PDS5A: variants seen among roughly 807,000 people sequenced by gnomAD.
PDS5A encodes sister chromatid cohesion protein PDS5 homolog A.
A neutral mutation model predicts 167.1 loss-of-function variants in PDS5A; 42 were observed. The observed-to-expected ratio is 0.25, with a 90% CI of 0.20 to 0.33. The LOEUF (loss-of-function observed/expected upper bound fraction) is 0.33. PDS5A is among the 10% of genes least tolerant of loss of function. The probability of loss-of-function intolerance (pLI) is 1.00; values close to 1 mark genes in which losing one functional copy is unlikely to be tolerated. For missense variants in PDS5A, 1,033 were observed against 1,605.9 expected (o/e 0.64, Z 6.10); for synonymous variants, 553 against 554.6 (o/e 1.00, Z 0.04).
chr4:39,842,903 CTATTTTTATATATATA>C (rs752815589), intron 30 of PDS5A, among the ~76,000 whole-genome samples: 536 of 23,994 alleles, frequency 0.022, 17 homozygotes, highest in Admixed American at 0.041. Flanking sequence ...TAAACTTATC[CTATTTTTATATATATA>C]TATATATATA....
intron 2 of PDS5A, among the ~76,000 whole-genome samples, chr4:39,938,295 C>T (rs1351520428): frequency 6.6e-6 from 1 of 152,196 alleles, no homozygotes; most frequent in Non-Finnish European, 1.5e-5. Flanking sequence ...TGGCTCACAC[C>T]TGTAATCCTA....
intron 12 of PDS5A, among the ~76,000 whole-genome samples, chr4:39,903,276 C>A (rs1453107019): frequency 6.6e-6 from 1 of 152,224 alleles, no homozygotes; most frequent in Non-Finnish European, 1.5e-5. Flanking sequence ...GATTATTGTT[C>A]TCTCCATGAT....
intron 5 of PDS5A, among the ~76,000 whole-genome samples, chr4:39,923,636 A>AAAACACACACAC (rs527616580): frequency 1.1e-5 from 1 of 89,804 alleles, no homozygotes; most frequent in Non-Finnish European, 2.3e-5. Context: ...ACCCTGTCTC[A>AAAACACACACAC]AAACACACAC....
intron 2 of PDS5A, among the ~76,000 whole-genome samples, chr4:39,971,610 C>T (rs535040773): frequency 9.2e-5 from 14 of 152,120 alleles, no homozygotes; most frequent in African/African-American, 2.9e-4. Flanking sequence ...CAGAGGTGTG[C>T]CACCACACCT....
intron 16 of PDS5A, among the ~76,000 whole-genome samples, chr4:39,897,778 T>G (rs574568951): frequency 2.6e-5 from 4 of 151,260 alleles, no homozygotes; most frequent in Admixed American, 2.6e-4. Flanking sequence ...GGGTATAGGA[T>G]CACATGAGCA....
chr4:39,962,572 G>A (rs1318207608), intron 2 of PDS5A, among the ~76,000 whole-genome samples: 5 of 151,894 alleles, frequency 3.3e-5, no homozygotes, highest in African/African-American at 1.2e-4. Context: ...TTGGGAGGCC[G>A]AGGCGAGCAG....
Position 39,862,996 on chromosome 4 carries a change from C to T in PDS5A, c.2844G>A (p.Glu948=), listed in dbSNP as rs185298167. ...CACACAAGGCAAAGATCGCCATATA[C>T]TCCAATGGGAGCAGTAACTTCACAA... is the stretch of plus-strand genomic sequence containing the variant. ...KALVKLLLPL[E]YMAIFALCAK... Residue 948 remains glutamate, a synonymous_variant, in exon 25 of 33, where the codon GAG becomes GAA. Transcript: ENST00000303538. 1.2e-6 allele frequency: 2 copies of T among 1,613,560 alleles called. No individual in the cohort carries two copies. Among genetic ancestry groups the T allele is most frequent in the African/African-American group, 1.3e-5 (1 of 75,044 alleles).
At chr4:39,883,745 C>T (rs374764958) in intron 17 of PDS5A, among the ~76,000 whole-genome samples, 28 of 152,108 alleles carry the variant, frequency 1.8e-4, no homozygotes, top group African/African-American at 6.5e-4. Flanking sequence ...ATTCTTCCAC[C>T]TCAGCCTCCC....
chr4:39,940,229 TAAAAG>T (rs1727097451), intron 2 of PDS5A, among the ~76,000 whole-genome samples: 1 of 150,824 alleles, frequency 6.6e-6, no homozygotes, highest in Non-Finnish European at 1.5e-5. Flanking sequence ...GAAGAAAAAA[TAAAAG>T]AAAAAAGAAA....
At chr4:39,869,833 G>A (rs1158997252) in intron 21 of PDS5A, among the ~76,000 whole-genome samples, 1 of 152,070 alleles carries the variant, frequency 6.6e-6, no homozygotes, top group East Asian at 1.9e-4. Context: ...TCAGCCGGGT[G>A]CAGAGGGTCA....
intron 22 of PDS5A, among the ~76,000 whole-genome samples, chr4:39,867,758 ACACACACACAC>A (rs1560439883): frequency 6.0e-5 from 9 of 149,796 alleles, no homozygotes; most frequent in Non-Finnish European, 1.3e-4. Context: ...ACACACACAC[ACACACACACAC>A]ACACACCCCA....
At chr4:39,923,022 C>CT (rs1190309494) in intron 5 of PDS5A, among the ~76,000 whole-genome samples, 5 of 151,978 alleles carry the variant, frequency 3.3e-5, no homozygotes, top group South Asian at 2.1e-4. Flanking sequence ...CTTCCATTCA[C>CT]TTTTTTTTAA....
chr4:39,896,027 T>G (rs1399678559), intron 16 of PDS5A, among the ~76,000 whole-genome samples: 7 of 83,344 alleles, frequency 8.4e-5, no homozygotes, highest in Admixed American at 6.1e-4. Flanking sequence ...CCTGGCCCGG[T>G]TTTTTTTTTT....
chr4:39,959,758 C>T (rs1560519132), intron 2 of PDS5A, among the ~76,000 whole-genome samples: 1 of 151,880 alleles, frequency 6.6e-6, no homozygotes, highest in East Asian at 1.9e-4. Context: ...AGTTTGAGAC[C>T]AGCCTGGCCA....
At chr4:39,938,645 A>C (rs988088904) in intron 2 of PDS5A, among the ~76,000 whole-genome samples, 1 of 152,062 alleles carries the variant, frequency 6.6e-6, no homozygotes, top group Non-Finnish European at 1.5e-5. Flanking sequence ...GAAAAATGTC[A>C]ATAGAAGACT....
At chr4:39,833,010 TAATAAATA>T (rs150009872) in intron 32 of PDS5A, among the ~76,000 whole-genome samples, 1 of 148,354 alleles carries the variant, frequency 6.7e-6, no homozygotes, top group Non-Finnish European at 1.5e-5. Flanking sequence ...AAGAAAAAAA[TAATAAATA>T]AATAAATAAA....
chr4:39,837,800 C>G (rs1210078165), intron 32 of PDS5A, 56 bp downstream of exon 32: 16 of 1,340,784 alleles, frequency 1.2e-5, no homozygotes, highest in Non-Finnish European at 1.6e-5. Context: ...TAAGAATATA[C>G]TACGAATAAA....
intron 11 of PDS5A, among the ~76,000 whole-genome samples, chr4:39,904,667 T>C (rs1268701104): frequency 1.3e-5 from 2 of 152,176 alleles, no homozygotes; most frequent in African/African-American, 4.8e-5. Flanking sequence ...ATTTAGAAAT[T>C]TTCCAATGCA....
At chr4:39,852,211 A>G (rs1353033982) in intron 26 of PDS5A, among the ~76,000 whole-genome samples, 1 of 152,252 alleles carries the variant, frequency 6.6e-6, no homozygotes, top group Non-Finnish European at 1.5e-5. Flanking sequence ...ATAATGTTAC[A>G]TTTAAAACAG....
Sources: gnomAD v4.1 joint callset for allele counts (sites outside exome capture counted in the v4.1 genomes callset) on GRCh38, gnomAD v4.1.1 for gene constraint, MANE v1.5 for transcripts, NCBI Gene and HGNC (gene_info 2026-07-23, HGNC 2026-07-21) for gene names.